Variants in SSBP3 observed in about 807,000 individuals in gnomAD.
SSBP3 encodes single-stranded DNA-binding protein 3.
A neutral mutation model predicts 69.6 loss-of-function variants in SSBP3; 5 were observed. That is an observed-to-expected ratio of 0.07 (90% confidence interval 0.04 to 0.15). The LOEUF (loss-of-function observed/expected upper bound fraction) is 0.15, where lower values mean the gene tolerates loss of function less well. Among genes scored for constraint, SSBP3 ranks in the 10% least tolerant of loss-of-function variants. The probability of loss-of-function intolerance (pLI) is 1.00; values close to 1 mark genes in which losing one functional copy is unlikely to be tolerated. For synonymous variants in SSBP3, 196 were observed against 193.4 expected (o/e 1.01, Z -0.11); for missense variants, 312 against 534.0 (o/e 0.58, Z 4.10).
chr1:54,379,441 ACCAGGCTC>A (rs1304199905), intron 4 of SSBP3, among the ~76,000 whole-genome samples: 7 of 152,220 alleles, frequency 4.6e-5, no homozygotes, highest in Non-Finnish European at 5.9e-5. Context: ...GGTGAGGTCG[ACCAGGCTC>A]CCAGGCTCCC....
chr1:54,381,739 G>A (rs1342811694), intron 4 of SSBP3, among the ~76,000 whole-genome samples: 3 of 152,232 alleles, frequency 2.0e-5, no homozygotes, highest in African/African-American at 4.8e-5. Flanking sequence ...CAAGCAACAA[G>A]TCCAAAAATG....
intron 4 of SSBP3, among the ~76,000 whole-genome samples, chr1:54,392,859 A>G (rs1409041683): frequency 6.6e-6 from 1 of 152,336 alleles, no homozygotes; most frequent in East Asian, 1.9e-4. Flanking sequence ...CTCTCCTTCC[A>G]GGCAGCTGGT....
rs1646474503 is a variant in SSBP3 at position 54,334,438 on chromosome 1, CT to C, written c.277-52912del. Among the ~76,000 whole-genome samples, 3 of 152,142 alleles carry C rather than the reference CT, an allele frequency of 2.0e-5. No individual in the cohort carries two copies. In the South Asian group the frequency reaches 6.2e-4, roughly 32 times the overall value. Reference sequence around the variant, plus strand: ...AAAGACTCTGCCAGCAAGCTAAATGCTGTCATTTCCTTCAGTGTTTCTCCAT... The same window carrying C: ...AAAGACTCTGCCAGCAAGCTAAATGCGTCATTTCCTTCAGTGTTTCTCCAT... On this transcript the variant is annotated intron_variant, in intron 4 of 17. Coordinates refer to ENST00000610401, the Ensembl canonical transcript of SSBP3.
chr1:54,331,907 T>C (rs542574850), intron 4 of SSBP3, among the ~76,000 whole-genome samples: 9 of 152,216 alleles, frequency 5.9e-5, no homozygotes, highest in Non-Finnish European at 8.8e-5. Context: ...CACCAGTCCA[T>C]GTCATCTGCC....
intron 15 of SSBP3, 83 bp downstream of exon 15, chr1:54,228,665 C>G (rs572484068): frequency 1.3e-6 from 2 of 1,518,224 alleles, no homozygotes; most frequent in African/African-American, 2.8e-5. Context: ...GGGCTCTGTA[C>G]CAAGCCCAGC....
intron 4 of SSBP3, among the ~76,000 whole-genome samples, chr1:54,321,576 A>T (rs900557432): frequency 1.3e-5 from 2 of 152,260 alleles, no homozygotes; most frequent in Admixed American, 6.5e-5. Flanking sequence ...GGAAGGCCTT[A>T]ACCTGACTGC....
chr1:54,346,816 A>G (rs1646698362), intron 4 of SSBP3, among the ~76,000 whole-genome samples: 1 of 150,730 alleles, frequency 6.6e-6, no homozygotes, highest in South Asian at 2.1e-4. Flanking sequence ...CTCCATCTCA[A>G]GGAAAAAAAA....
At chr1:54,373,430 T>C (rs1031708173) in intron 4 of SSBP3, among the ~76,000 whole-genome samples, 2 of 152,112 alleles carry the variant, frequency 1.3e-5, no homozygotes, top group African/African-American at 4.8e-5. Context: ...GGGGCTGCCC[T>C]GGATGGATTT....
chr1:54,312,276 G>A (rs1451180552), intron 4 of SSBP3, among the ~76,000 whole-genome samples: 1 of 150,972 alleles, frequency 6.6e-6, no homozygotes, highest in Admixed American at 6.6e-5. Flanking sequence ...GTGACAGGGT[G>A]AGATACTCTC....
intron 5 of SSBP3, among the ~76,000 whole-genome samples, chr1:54,260,400 G>A (rs953061785): frequency 2.8e-4 from 42 of 152,204 alleles, no homozygotes; most frequent in Admixed American, 1.7e-3. Context: ...GTGCCCAGTG[G>A]TCAGGGAGGG....
At chr1:54,252,588 C>T (rs1375778222) in intron 7 of SSBP3, among the ~76,000 whole-genome samples, 1 of 152,152 alleles carries the variant, frequency 6.6e-6, no homozygotes, top group East Asian at 1.9e-4. Flanking sequence ...GACGAGAACC[C>T]GGCTCCAGAG....
rs1569617328 is a variant in SSBP3, at chr1:54,286,012, A to C, written c.277-4485T>G. Reference sequence around the variant, plus strand: ...CCAGCTAAGTCTACACACCAAGGGGAGCTAGGTCTGGAAACAGCAGCTCTT... The same window carrying C: ...CCAGCTAAGTCTACACACCAAGGGGCGCTAGGTCTGGAAACAGCAGCTCTT... On this transcript the variant is annotated intron_variant, in intron 4 of 17. Transcript: ENST00000610401. Among the ~76,000 whole-genome samples, 3 of 152,254 alleles carry C rather than the reference A, an allele frequency of 2.0e-5. No homozygotes were observed. In the South Asian group the frequency reaches 6.2e-4, roughly 32 times the overall value.
intron 4 of SSBP3, among the ~76,000 whole-genome samples, chr1:54,315,434 G>T (rs1646077733): frequency 6.6e-6 from 1 of 152,022 alleles, no homozygotes; most frequent in Non-Finnish European, 1.5e-5. Flanking sequence ...CTTGGTGTTT[G>T]GTACAGAAAG....
intron 9 of SSBP3, among the ~76,000 whole-genome samples, chr1:54,244,213 C>G (rs1378649669): frequency 6.6e-6 from 1 of 152,148 alleles, no homozygotes; most frequent in Non-Finnish European, 1.5e-5. Flanking sequence ...AAGCGATTCT[C>G]ATTACTCAGC....
intron 6 of SSBP3, 126 bp downstream of exon 6, chr1:54,257,943 A>G (rs1644951471): frequency 1.2e-6 from 1 of 859,692 alleles, no homozygotes. Flanking sequence ...AAAAAAATTT[A>G]ATTTGTCAAT....
intron 5 of SSBP3, among the ~76,000 whole-genome samples, chr1:54,264,626 T>C (rs1487464767): frequency 6.6e-6 from 1 of 152,220 alleles, no homozygotes; most frequent in Non-Finnish European, 1.5e-5. Flanking sequence ...CCCTGGGTCT[T>C]GGCAGAGCAT....
chr1:54,260,793 G>C (rs1246582248), intron 5 of SSBP3, among the ~76,000 whole-genome samples: 4 of 152,170 alleles, frequency 2.6e-5, no homozygotes, highest in Non-Finnish European at 4.4e-5. Context: ...AGAGCAGCTA[G>C]AAGTCTTCCC....
intron 4 of SSBP3, among the ~76,000 whole-genome samples, chr1:54,333,017 G>C (rs1026348256): frequency 6.6e-6 from 1 of 152,204 alleles, no homozygotes; most frequent in Non-Finnish European, 1.5e-5. Context: ...TTGACAACCA[G>C]GGCTTCCTAA....
chr1:54,275,701 T>C (rs1645271918), intron 5 of SSBP3, among the ~76,000 whole-genome samples: 2 of 152,244 alleles, frequency 1.3e-5, no homozygotes. Flanking sequence ...ATTTGGCAGA[T>C]GACAGAAATG....
Sources: gnomAD v4.1 joint callset for allele counts (sites outside exome capture counted in the v4.1 genomes callset) on GRCh38, gnomAD v4.1.1 for gene constraint, MANE v1.5 for transcripts, NCBI Gene and HGNC (gene_info 2026-07-23, HGNC 2026-07-21) for gene names.